ZNF536: variants seen among roughly 807,000 people sequenced by gnomAD.
ZNF536 encodes zinc finger protein 536.
ZNF536 carries 13 observed loss-of-function variants against 84.5 expected under a neutral mutation model. The ratio of observed to expected loss-of-function variants is 0.15; its 90% CI spans 0.10 to 0.24. The LOEUF (loss-of-function observed/expected upper bound fraction) is 0.24, where lower values mean the gene tolerates loss of function less well. Ranked by LOEUF, ZNF536 falls within the 10% of genes least tolerant of loss-of-function variation. The pLI is 1.00. For synonymous variants in ZNF536, 811 were observed against 742.5 expected, an observed-to-expected ratio of 1.09 and a Z score of -1.50; for missense variants, 1,536 against 1,747.5, an observed-to-expected ratio of 0.88 and a Z score of 2.16.
chr19:30,312,296 G>A (rs2046532075), intron 2 of ZNF536, among the ~76,000 whole-genome samples: 3 of 152,064 alleles, frequency 2.0e-5, no homozygotes, highest in African/African-American at 7.2e-5. Flanking sequence ...AACAGAGGGG[G>A]CGGGGATGGA....
intron 1 of ZNF536, among the ~76,000 whole-genome samples, chr19:30,434,835 GTAATGATAATGATGATGATGGTGA>G (rs1476160412): frequency 1.2e-3 from 178 of 150,248 alleles, no homozygotes; most frequent in African/African-American, 4.1e-3. Flanking sequence ...GGTGGTGATG[GTAATGATAATGATGATGATGGTGA>G]TAATGATGAT....
intron 3 of ZNF536, among the ~76,000 whole-genome samples, chr19:30,358,925 T>A (rs2048181806): frequency 6.6e-6 from 1 of 152,150 alleles, no homozygotes; most frequent in African/African-American, 2.4e-5. Context: ...GCAGGTCTCT[T>A]CACTCTTGGG....
chr19:30,357,207 G>A (rs1300241484), intron 3 of ZNF536, among the ~76,000 whole-genome samples: 1 of 152,230 alleles, frequency 6.6e-6, no homozygotes, highest in African/African-American at 2.4e-5. Context: ...GGTCAGGGGA[G>A]GCCCCCCTAA....
intron 2 of ZNF536, chr19:30,296,044 G>T (rs2045986542): frequency 6.6e-6 from 1 of 152,280 alleles, no homozygotes; most frequent in Admixed American, 6.5e-5. Flanking sequence ...GCAGCTGCTA[G>T]CACCTAATGA....
At chr19:30,699,811 AG>A (rs1227484664) in intron 1 of ZNF536, among the ~76,000 whole-genome samples, 7 of 152,178 alleles carry the variant, frequency 4.6e-5, no homozygotes, top group Admixed American at 4.6e-4. Flanking sequence ...AGGAAGCAGC[AG>A]GTGATGGTGA....
chr19:30,625,660 TC>T (rs1206865415), intron 1 of ZNF536, among the ~76,000 whole-genome samples: 9 of 152,184 alleles, frequency 5.9e-5, no homozygotes, highest in Admixed American at 1.3e-4. Context: ...AATTATCTAA[TC>T]TCCAGGATCC....
In ZNF536 at chr19:30,445,023, C is replaced by T. The variant is rs141625611; in HGVS notation, c.1461C>T (p.Ser487=). ...GCGTCCCGGAGGGGGACAAGCACTC[C>T]CTCCTGGGATGCCTCAATCTCGTGC... ...AHGVPEGDKH[S]LLGCLNLVPP... Residue 487 remains serine, a synonymous_variant, in exon 2 of 5, where the codon TCC becomes TCT. Coordinates refer to ENST00000355537, the MANE Select transcript of ZNF536 (RefSeq NM_014717.3). The surrounding 1 kb of genome is among the most constrained non-coding windows in gnomAD (Gnocchi z 4.5). The T allele has an allele frequency of 3.0e-5, 48 of 1,612,238 alleles. No individual in the cohort carries two copies. The African/African-American group carries it at 6.0e-4, about 20-fold the overall frequency.
At chr19:30,379,247 T>C (rs1054226436) in intron 1 of ZNF536, among the ~76,000 whole-genome samples, 1 of 152,104 alleles carries the variant, frequency 6.6e-6, no homozygotes, top group African/African-American at 2.4e-5. Flanking sequence ...GAGGGTCCAG[T>C]TGGTCCTGGC....
chr19:30,349,512 C>T (rs1436858048), intron 2 of ZNF536, among the ~76,000 whole-genome samples: 1 of 152,178 alleles, frequency 6.6e-6, no homozygotes, highest in Non-Finnish European at 1.5e-5. Flanking sequence ...ACCTATGCCT[C>T]GGAGTCCCAC....
chr19:30,601,552 C>G (rs2047685588), intron 1 of ZNF536, among the ~76,000 whole-genome samples: 1 of 152,204 alleles, frequency 6.6e-6, no homozygotes, highest in Non-Finnish European at 1.5e-5. Context: ...ATATGGGCAT[C>G]TCTGCCATCA....
chr19:30,621,381 A>G (rs2048476107), intron 1 of ZNF536, among the ~76,000 whole-genome samples: 1 of 151,940 alleles, frequency 6.6e-6, no homozygotes, highest in Non-Finnish European at 1.5e-5. Context: ...AGAGTTTTAG[A>G]AAGGGGGTGT....
rs960551364 is a variant in ZNF536, at chr19:30,358,107, A to G, written c.-3+5623A>G. Among the ~76,000 whole-genome samples, 6 of 152,176 alleles carry G rather than the reference A, an allele frequency of 3.9e-5. 1 individual carries two copies. Among genetic ancestry groups the G allele is most frequent in the African/African-American group, 1.4e-4 (6 of 41,444 alleles). On this transcript the variant is annotated intron_variant, in intron 3 of 5. Transcript: ENST00000585628. ...TAGTTTAGGCCTCTTTCCCTTGGGC[A>G]GTGCAGGTATTATTGCCAAGTGGTA...
intron 1 of ZNF536, among the ~76,000 whole-genome samples, chr19:30,680,232 T>TA (rs1568664960): frequency 9.7e-6 from 1 of 103,522 alleles, no homozygotes; most frequent in African/African-American, 3.8e-5. Flanking sequence ...TTATGATTAT[T>TA]ATTTTTATTT....
chr19:30,472,440 C>T (rs976954081), intron 2 of ZNF536, among the ~76,000 whole-genome samples: 3 of 152,044 alleles, frequency 2.0e-5, no homozygotes, highest in Non-Finnish European at 4.4e-5. Flanking sequence ...GTGAGACTCC[C>T]GTAGCCAGAG....
chr19:30,558,285 G>A (rs982726116), downstream of ZNF536, among the ~76,000 whole-genome samples: 54 of 152,254 alleles, frequency 3.5e-4, no homozygotes, highest in African/African-American at 1.2e-3. Flanking sequence ...CAATTTGGGT[G>A]GATGACTGTG....
At chr19:30,642,877 G>A (rs547666788) in intron 1 of ZNF536, among the ~76,000 whole-genome samples, 9 of 152,254 alleles carry the variant, frequency 5.9e-5, no homozygotes, top group Admixed American at 4.6e-4. Context: ...TGTGTGGGGG[G>A]TGAGAGCCCA....
rs775487730 is a variant in ZNF536 at position 30,549,153 on chromosome 19, C to G, written c.3534C>G (p.Asn1178Lys). ...EDMDSSKGENNDEEDVETEPE... is the reference protein window; with the variant it reads ...EDMDSSKGENKDEEDVETEPE... ...TGGACTCCTCCAAGGGGGAGAACAA[C>G]GATGAAGAGGATGTTGAAACCGAAC... is the stretch of plus-strand genomic sequence containing the variant. The change falls in exon 4 of 5, where the codon AAC becomes AAG. Residue 1178 changes from asparagine (N) to lysine (K), a missense_variant. Transcript: ENST00000355537. 1 of 1,614,024 alleles carries G rather than the reference C, an allele frequency of 6.2e-7. No individual in the cohort carries two copies. The highest frequency in any genetic ancestry group is 2.2e-5 in the East Asian group (1 of 44,884).
intron 3 of ZNF536, among the ~76,000 whole-genome samples, chr19:30,355,550 G>T (rs557982509): frequency 6.6e-6 from 1 of 151,874 alleles, no homozygotes; most frequent in Non-Finnish European, 1.5e-5. Flanking sequence ...ACCGTGCCTC[G>T]CTAATTTTTG....
chr19:30,269,560 GT>G (rs2025706983), intron 1 of ZNF536, among the ~76,000 whole-genome samples: 2 of 152,188 alleles, frequency 1.3e-5, no homozygotes, highest in African/African-American at 4.8e-5. Flanking sequence ...TTTTGAGGCA[GT>G]AAGTCAGGTG....
Sources: allele counts gnomAD v4.1 joint callset (sites outside exome capture counted in the v4.1 genomes callset), GRCh38; gene constraint gnomAD v4.1.1; non-coding constraint Gnocchi (gnomAD v3.1); transcripts MANE v1.5; gene names NCBI Gene and HGNC (gene_info 2026-07-23, HGNC 2026-07-21).